Variants in CIPC observed in about 807,000 individuals in gnomAD.
The protein encoded by CIPC is CLOCK-interacting pacemaker.
Under a neutral mutation model 26.7 loss-of-function variants are expected in CIPC, and 12 were observed. The observed-to-expected ratio is 0.45, with a 90% confidence interval of 0.29 to 0.73. The LOEUF (loss-of-function observed/expected upper bound fraction) is 0.73, where lower values mean the gene tolerates loss of function less well. Ranked by LOEUF, CIPC falls within the 30% of genes least tolerant of loss-of-function variation. CIPC has a pLI of 0.12. For synonymous variants in CIPC, 170 were observed against 189.8 expected (o/e 0.90, Z 0.86); for missense variants, 417 against 486.5 (o/e 0.86, Z 1.34).
chr14:77,106,371 C>T (rs1886590851), intron 2 of CIPC, among the ~76,000 whole-genome samples: 1 of 152,186 alleles, frequency 6.6e-6, no homozygotes. Flanking sequence ...TGTGAGCCAC[C>T]TGGCCTAGCT....
At chr14:77,103,998 G>A (rs545960529) in intron 1 of CIPC, among the ~76,000 whole-genome samples, 3 of 152,280 alleles carry the variant, frequency 2.0e-5, no homozygotes, top group African/African-American at 7.2e-5. Flanking sequence ...CACCTGGACT[G>A]TCACGGTAGC....
intron 3 of CIPC, among the ~76,000 whole-genome samples, chr14:77,110,957 G>T (rs897776250): frequency 1.3e-5 from 2 of 152,184 alleles, no homozygotes; most frequent in African/African-American, 2.4e-5. Context: ...TTTTCAACAA[G>T]GCAGACTGGT....
At chr14:77,113,381 T>G in intron 3 of CIPC, 44 bp from the exon 4 acceptor site, 1 of 1,607,660 alleles carries the variant, frequency 6.2e-7, no homozygotes, top group South Asian at 1.1e-5. Context: ...CTCTATCCTT[T>G]CAGCAGTAAT....
chr14:77,116,937 C>G lies in CIPC; in HGVS notation c.*2619C>G, dbSNP rs1257666836. ...TCTGAAGGTGAGAAGCCATTTTTAG[C>G]TCAGAGCAACCCTTAAGAGAACTTT... is the stretch of plus-strand genomic sequence containing the variant. On this transcript the variant is annotated 3_prime_UTR_variant, in exon 4 of 4. Coordinates refer to ENST00000361786, the MANE Select transcript of CIPC (RefSeq NM_033426.3). 1.3e-5 allele frequency: 2 copies of G among 152,172 alleles called. No individual in the cohort carries two copies. Among genetic ancestry groups the G allele is most frequent in the Non-Finnish European group, 2.9e-5 (2 of 68,038 alleles). The allele number at this position is 152,172 out of a possible 1,614,324, so 9.4% of individuals were successfully genotyped here. A position where few individuals can be genotyped will look rare whatever the true frequency, so the allele number is the denominator to read the frequency against.
chr14:77,100,240 C>CCTT (rs1566803271), intron 1 of CIPC, among the ~76,000 whole-genome samples: 2 of 130,522 alleles, frequency 1.5e-5, no homozygotes. Context: ...TTCTTTCTTT[C>CCTT]TTTTTTTTTT....
chr14:77,113,945 TAG>T lies in CIPC; in HGVS notation c.832_833del (p.Ser278GlnfsTer10). The T allele has an allele frequency of 1.2e-6, 2 of 1,614,220 alleles. No individual in the cohort carries two copies. The highest frequency in any genetic ancestry group is 1.7e-6 in the Non-Finnish European group (2 of 1,180,040). ...GCATCAGACAGCACTCTCCATGGGTTAGAGAGCAACTCTCCCCTTTCACCACT... is the reference window on the plus strand; with the variant it reads ...GCATCAGACAGCACTCTCCATGGGTTAGAGCAACTCTCCCCTTTCACCACT... On this transcript the variant is annotated frameshift_variant, in exon 4 of 4. Coordinates refer to ENST00000361786, the MANE Select transcript of CIPC (RefSeq NM_033426.3). LOFTEE classifies it high-confidence loss of function.
rs923589881 is a variant in CIPC at position 77,113,462 on chromosome 14, A to G, written c.344A>G (p.Gln115Arg). The change falls in exon 4 of 4, where the codon CAG (glutamine) becomes CGG (arginine). Residue 115 changes from glutamine (Q) to arginine (R), a missense_variant. Gln to Arg is a conservative substitution (Grantham distance 43). Coordinates refer to ENST00000361786, the MANE Select transcript of CIPC (RefSeq NM_033426.3). ...TCCCAGCTCCAGTCGTGGACTGTCC[A>G]GCCCTCCTTTGAAGTGATCTCAGCA... ...SSSQLQSWTV[Q>R]PSFEVISAQP... The G allele has an allele frequency of 2.5e-6, 4 of 1,614,158 alleles. No homozygotes were observed. The highest frequency in any genetic ancestry group is 4.5e-5 in the East Asian group (2 of 44,872).
At chr14:77,111,684 T>C (rs1886704279) in intron 3 of CIPC, among the ~76,000 whole-genome samples, 2 of 152,218 alleles carry the variant, frequency 1.3e-5, no homozygotes, top group Non-Finnish European at 2.9e-5. Context: ...CCTCAGGTGA[T>C]TTCCACATGA....
At chr14:77,108,886 C>A (rs1389581001) in intron 2 of CIPC, among the ~76,000 whole-genome samples, 1 of 152,106 alleles carries the variant, frequency 6.6e-6, no homozygotes, top group Non-Finnish European at 1.5e-5. Context: ...TCAAATTTGA[C>A]CAGCAGGAGT....
At chr14:77,113,379 T>A in intron 3 of CIPC, 46 bp from the exon 4 acceptor site, 1 of 1,608,160 alleles carries the variant, frequency 6.2e-7, no homozygotes. Context: ...TCCTCTATCC[T>A]TTCAGCAGTA....
In CIPC at chr14:77,110,039, G is replaced by A. The variant is rs559555813; in HGVS notation, c.306+58G>A. On this transcript the variant is annotated intron_variant, in intron 3 of 3. Transcript: ENST00000361786. ...CAAATAAAAATCTCTTAGCTTCCGT[G>A]TATAAAGGAAGAGATTTATATTCTC... 2.1e-4 allele frequency: 318 copies of A among 1,527,198 alleles called. 1 individual carries two copies. The African/African-American group carries it at 3.6e-3, about 17-fold the overall frequency. The allele number at this position is 1,527,198 out of a possible 1,614,324, so 94.6% of individuals were successfully genotyped here.
chr14:77,104,032 C>T (rs1263604491), intron 1 of CIPC, among the ~76,000 whole-genome samples: 1 of 152,234 alleles, frequency 6.6e-6, no homozygotes, highest in Non-Finnish European at 1.5e-5. Context: ...CAATGCCACT[C>T]TTGCCCTTCT....
intron 3 of CIPC, among the ~76,000 whole-genome samples, chr14:77,113,048 T>C (rs1419004362): frequency 1.3e-5 from 2 of 152,192 alleles, no homozygotes; most frequent in Non-Finnish European, 2.9e-5. Flanking sequence ...TATTTTCAGG[T>C]AAAAGAGGTT....
intron 1 of CIPC, among the ~76,000 whole-genome samples, chr14:77,100,268 G>A (rs1886454763): frequency 1.5e-5 from 2 of 132,100 alleles, no homozygotes; most frequent in Admixed American, 8.6e-5. Context: ...TTGAGACGGA[G>A]TCTCACTCTG....
At chr14:77,100,210 T>TA (rs958474269) in intron 1 of CIPC, among the ~76,000 whole-genome samples, 46 of 151,812 alleles carry the variant, frequency 3.0e-4, no homozygotes, top group African/African-American at 1.1e-3. Context: ...TATATAAACT[T>TA]ATATATTTAT....
intron 1 of CIPC, among the ~76,000 whole-genome samples, chr14:77,100,352 G>A (rs1220961103): frequency 6.2e-5 from 9 of 144,740 alleles, no homozygotes; most frequent in Admixed American, 2.9e-4. Flanking sequence ...AGCTATTCTC[G>A]TGCCTCAGCC....
rs1886771216 is a variant in CIPC at position 77,114,530 on chromosome 14, A to G, written c.*212A>G. ...ATGTCCCCGTCCCACTGAGGACCTC[A>G]GTTTGGGAGTGCCCTTGAGCCCCTT... is the stretch of plus-strand genomic sequence containing the variant. On this transcript the variant is annotated 3_prime_UTR_variant, in exon 4 of 4. Transcript: ENST00000361786. The G allele has an allele frequency of 1.9e-6, 1 of 540,036 alleles. No individual in the cohort carries two copies. The highest frequency in any genetic ancestry group is 1.9e-5 in the African/African-American group (1 of 53,032). 33.5% of individuals were successfully genotyped at this position (540,036 alleles called of 1,614,324 possible).
intron 1 of CIPC, among the ~76,000 whole-genome samples, chr14:77,104,124 G>A (rs966101055): frequency 1.3e-5 from 2 of 152,194 alleles, no homozygotes; most frequent in African/African-American, 4.8e-5. Context: ...ACTTTGGGAT[G>A]CCAAGCCAAG....
At position 77,105,653 on chromosome 14, in the gene CIPC, A is replaced by G. The variant is rs913140111; in HGVS notation, c.-52-4A>G. 11 of 1,569,258 alleles carry G rather than the reference A, an allele frequency of 7.0e-6. No homozygotes were observed. The Admixed American group carries it at 2.1e-4, about 30-fold the overall frequency. On this transcript the variant is annotated splice_region_variant and splice_polypyrimidine_tract_variant and intron_variant, in intron 1 of 3. Transcript: ENST00000361786. ...GTGACTTCTTATATAATTGTTTTTC[A>G]TAGGGCAGTCCAGATGAAAAGAGTA...
Sources: gnomAD v4.1 joint callset for allele counts (sites outside exome capture counted in the v4.1 genomes callset) on GRCh38, gnomAD v4.1.1 for gene constraint, MANE v1.5 for transcripts, NCBI Gene and HGNC (gene_info 2026-07-23, HGNC 2026-07-21) for gene names.